The following AFG2A variants were observed in gnomAD, a reference collection of about 807,000 sequenced individuals.
The protein encoded by AFG2A is AAA ATPase AFG2A.
chr4:123,138,771 G>A, the AFG2A span, among the ~76,000 whole-genome samples: 1 of 151,778 alleles, frequency 6.6e-6, no homozygotes, highest in African/African-American at 2.4e-5. Context: ...TCAAGCCCAG[G>A]AGCCTACAAC....
chr4:123,250,744 G>A, the AFG2A span, among the ~76,000 whole-genome samples: 4 of 152,132 alleles, frequency 2.6e-5, no homozygotes, highest in African/African-American at 9.7e-5. Flanking sequence ...GACAGACCAC[G>A]ATATCCAACA....
chr4:123,209,790 A>G, the AFG2A span, among the ~76,000 whole-genome samples: 114 of 152,150 alleles, frequency 7.5e-4, no homozygotes, highest in African/African-American at 2.6e-3. Flanking sequence ...GAAAGAGGTC[A>G]GGATATGTAT....
the AFG2A span, among the ~76,000 whole-genome samples, chr4:123,277,194 T>C: frequency 6.6e-6 from 1 of 152,294 alleles, no homozygotes; most frequent in Non-Finnish European, 1.5e-5. Flanking sequence ...ATCTTTCACC[T>C]CCTTGGTTAG....
At chr4:123,124,027 T>C in the AFG2A span, among the ~76,000 whole-genome samples, 3 of 151,738 alleles carry the variant, frequency 2.0e-5, no homozygotes, top group Non-Finnish European at 4.4e-5. Context: ...GGAACACTTT[T>C]ACACTGTTGT....
At chr4:122,996,758 A>G in the AFG2A span, among the ~76,000 whole-genome samples, 1 of 152,134 alleles carries the variant, frequency 6.6e-6, no homozygotes, top group Admixed American at 6.6e-5. Context: ...CCAGGGTCTC[A>G]TAATCAAGGA....
chr4:123,204,764 A>T, the AFG2A span, among the ~76,000 whole-genome samples: 1 of 152,242 alleles, frequency 6.6e-6, no homozygotes, highest in African/African-American at 2.4e-5. Context: ...GTCATTACTT[A>T]AAGCTGTGTT....
the AFG2A span, among the ~76,000 whole-genome samples, chr4:123,106,605 C>T: frequency 4.9e-4 from 74 of 152,342 alleles, no homozygotes; most frequent in Admixed American, 2.4e-3. Context: ...CCTGCTTCTC[C>T]GCTCTTTTAC....
At chr4:123,256,228 T>G in the AFG2A span, 1 of 1,595,396 alleles carries the variant, frequency 6.3e-7, no homozygotes, top group Non-Finnish European at 8.6e-7. Context: ...AAGCGGTGGC[T>G]CAGGGTCATT....
chr4:123,051,953 C>G, the AFG2A span, among the ~76,000 whole-genome samples: 1 of 151,886 alleles, frequency 6.6e-6, no homozygotes, highest in Admixed American at 6.5e-5. Flanking sequence ...TGGTTGGTGA[C>G]CTTTAACCTT....
chr4:123,224,094 A>C, the AFG2A span, among the ~76,000 whole-genome samples: 1 of 152,064 alleles, frequency 6.6e-6, no homozygotes, highest in Non-Finnish European at 1.5e-5. Context: ...TGATTTTTGT[A>C]TATGATGTAA....
the AFG2A span, among the ~76,000 whole-genome samples, chr4:123,004,405 C>T: frequency 2.6e-5 from 4 of 152,244 alleles, no homozygotes; most frequent in Non-Finnish European, 5.9e-5. Context: ...CTGCGTTGCT[C>T]ACGCTGGGAG....
the AFG2A span, among the ~76,000 whole-genome samples, chr4:123,182,219 A>G: frequency 6.6e-6 from 1 of 152,232 alleles, no homozygotes; most frequent in East Asian, 1.9e-4. Context: ...ATGTTTTCAT[A>G]ACTGAATTTC....
the AFG2A span, among the ~76,000 whole-genome samples, chr4:123,294,154 G>A: frequency 0.047 from 7,116 of 152,260 alleles, 234 homozygotes; most frequent in African/African-American, 0.092. Context: ...GTGATGTTGC[G>A]TGGAGCTGAA....
the AFG2A span, among the ~76,000 whole-genome samples, chr4:123,283,622 T>C: frequency 2.6e-5 from 4 of 152,216 alleles, no homozygotes; most frequent in African/African-American, 9.6e-5. Flanking sequence ...CAAACTGTTT[T>C]TGTGAAGCCC....
At chr4:122,929,006 A>T in the AFG2A span, 2 of 1,600,608 alleles carry the variant, frequency 1.2e-6, no homozygotes, top group Admixed American at 1.7e-5. Context: ...ATGAATATTT[A>T]TTTTCTAACA....
the AFG2A span, among the ~76,000 whole-genome samples, chr4:122,976,533 C>T: frequency 3.3e-5 from 5 of 152,138 alleles, no homozygotes; most frequent in African/African-American, 9.7e-5. Context: ...TTTAAAACAT[C>T]GTTTCTTTTT....
At chr4:122,926,719 T>C in the AFG2A span, among the ~76,000 whole-genome samples, 1 of 152,240 alleles carries the variant, frequency 6.6e-6, no homozygotes, top group Admixed American at 6.5e-5. Flanking sequence ...AATGAAGTTG[T>C]GACATTTTTA....
chr4:123,007,702 C>T, the AFG2A span, among the ~76,000 whole-genome samples: 46 of 148,850 alleles, frequency 3.1e-4, no homozygotes, highest in Admixed American at 1.1e-3. Flanking sequence ...AAGGTTTTCT[C>T]CCTGGGAACT....
chr4:123,225,868 G>A, the AFG2A span, among the ~76,000 whole-genome samples: 132 of 152,094 alleles, frequency 8.7e-4, 1 homozygote, highest in Admixed American at 2.0e-4. Context: ...CCATTTGTTC[G>A]TATCCTCTTT....
Sources: gnomAD v4.1 joint callset for allele counts (sites outside exome capture counted in the v4.1 genomes callset) on GRCh38, gnomAD v4.1.1 for gene constraint, MANE v1.5 for transcripts, NCBI Gene and HGNC (gene_info 2026-07-23, HGNC 2026-07-21) for gene names.